FAM227B: variants seen among roughly 807,000 people sequenced by gnomAD.
FAM227B encodes the protein family with sequence similarity 227 member B, also known as protein FAM227B.
A neutral mutation model predicts 73.8 loss-of-function variants in FAM227B; 88 were observed. The observed-to-expected ratio is 1.19, with a 90% CI of 1.00 to 1.42. The LOEUF is 1.42. Among genes scored for constraint, FAM227B ranks in the 40% most tolerant of loss-of-function variants. FAM227B has a pLI of 0.00. For missense variants in FAM227B, 632 were observed against 590.9 expected (o/e 1.07, Z -0.72); for synonymous variants, 210 against 190.5 (o/e 1.10, Z -0.84).
chr15:49,494,555 T>A (rs942180983), intron 11 of FAM227B, among the ~76,000 whole-genome samples: 5 of 152,126 alleles, frequency 3.3e-5, no homozygotes, highest in African/African-American at 1.2e-4. Flanking sequence ...GGATACTGCT[T>A]CCCCTGCAAT....
At chr15:49,524,083 T>C (rs1401836887) in intron 10 of FAM227B, among the ~76,000 whole-genome samples, 1 of 152,138 alleles carries the variant, frequency 6.6e-6, no homozygotes, top group East Asian at 1.9e-4. Context: ...TGAGGAGAAA[T>C]TCAAGGCAGC....
chr15:49,510,401 T>A (rs901357164), intron 10 of FAM227B, among the ~76,000 whole-genome samples: 7 of 152,088 alleles, frequency 4.6e-5, no homozygotes, highest in African/African-American at 1.7e-4. Flanking sequence ...TTATCTGAAG[T>A]TAATAATTGT....
At chr15:49,428,565 C>T (rs2050321616) in intron 11 of FAM227B, among the ~76,000 whole-genome samples, 1 of 151,978 alleles carries the variant, frequency 6.6e-6, no homozygotes, top group African/African-American at 2.4e-5. Flanking sequence ...AGAAATAACA[C>T]TGCTCTTTAA....
At chr15:49,370,064 C>G (rs983519612) in intron 12 of FAM227B, among the ~76,000 whole-genome samples, 1 of 152,156 alleles carries the variant, frequency 6.6e-6, no homozygotes, top group Non-Finnish European at 1.5e-5. Flanking sequence ...AGGAAGAGAG[C>G]CTTCACCAGA....
chr15:49,368,952 GTTTT>G (rs995504385), intron 12 of FAM227B, among the ~76,000 whole-genome samples: 2 of 152,090 alleles, frequency 1.3e-5, no homozygotes, highest in African/African-American at 4.8e-5. Flanking sequence ...TGTTGTTTTT[GTTTT>G]GTTTTTGTTT....
chr15:49,512,012 G>A (rs1301319238), intron 10 of FAM227B, among the ~76,000 whole-genome samples: 1 of 151,968 alleles, frequency 6.6e-6, no homozygotes, highest in Admixed American at 6.6e-5. Context: ...ACTGGGTGGG[G>A]GCTCAGATAG....
At chr15:49,343,452 A>T (rs1295354346) in intron 13 of FAM227B, among the ~76,000 whole-genome samples, 2 of 152,128 alleles carry the variant, frequency 1.3e-5, no homozygotes, top group Admixed American at 6.6e-5. Flanking sequence ...TTGACTTTCA[A>T]CACACTCTAG....
chr15:49,482,676 G>C (rs894281369), intron 11 of FAM227B, among the ~76,000 whole-genome samples: 2 of 152,030 alleles, frequency 1.3e-5, no homozygotes, highest in Non-Finnish European at 2.9e-5. Flanking sequence ...TCAGGTATAA[G>C]AATTTGGGCA....
chr15:49,384,883 A>G (rs1260794453), intron 11 of FAM227B, among the ~76,000 whole-genome samples: 1 of 151,978 alleles, frequency 6.6e-6, no homozygotes, highest in Admixed American at 6.6e-5. Context: ...TGGGACATTT[A>G]TTGGAACAAT....
At chr15:49,409,446 G>A (rs749415854) in intron 11 of FAM227B, among the ~76,000 whole-genome samples, 1 of 151,352 alleles carries the variant, frequency 6.6e-6, no homozygotes, top group Non-Finnish European at 1.5e-5. Context: ...TCTTCATCTG[G>A]AAAATGAGGA....
intron 10 of FAM227B, among the ~76,000 whole-genome samples, chr15:49,512,707 C>T (rs1235506399): frequency 6.6e-6 from 1 of 152,004 alleles, no homozygotes; most frequent in Non-Finnish European, 1.5e-5. Flanking sequence ...TTAAGCCCTG[C>T]ATGCATTAGC....
intron 3 of FAM227B, among the ~76,000 whole-genome samples, chr15:49,607,843 C>A (rs66535408): frequency 0.052 from 7,967 of 152,190 alleles, 361 homozygotes; most frequent in East Asian, 0.23. Flanking sequence ...TGGAGTAGAT[C>A]ATATCTTGTA....
chr15:49,537,318 T>C (rs534464734), intron 10 of FAM227B, among the ~76,000 whole-genome samples: 1 of 152,022 alleles, frequency 6.6e-6, no homozygotes, highest in Non-Finnish European at 1.5e-5. Context: ...CAGAAGTATA[T>C]GAAAAGGTGC....
At chr15:49,618,959 G>A (rs1056914792) in intron 1 of FAM227B, among the ~76,000 whole-genome samples, 1 of 152,080 alleles carries the variant, frequency 6.6e-6, no homozygotes, top group Non-Finnish European at 1.5e-5. Context: ...AGTTAAAGTG[G>A]GGGCCTTGGG....
At chr15:49,392,655 A>G (rs894489634) in intron 11 of FAM227B, among the ~76,000 whole-genome samples, 2 of 152,194 alleles carry the variant, frequency 1.3e-5, no homozygotes, top group Non-Finnish European at 2.9e-5. Context: ...AGCTTTTAAA[A>G]ATGCATCTGT....
intron 10 of FAM227B, among the ~76,000 whole-genome samples, chr15:49,526,269 C>T (rs1384020809): frequency 6.6e-6 from 1 of 151,980 alleles, no homozygotes; most frequent in Admixed American, 6.6e-5. Flanking sequence ...TACACAAGTA[C>T]AGGGAAACGA....
At chr15:49,416,794 C>A (rs1025565936) in intron 11 of FAM227B, among the ~76,000 whole-genome samples, 24 of 151,420 alleles carry the variant, frequency 1.6e-4, no homozygotes, top group African/African-American at 5.8e-4. Context: ...CACACACACA[C>A]ACACAAACAC....
intron 9 of FAM227B, among the ~76,000 whole-genome samples, chr15:49,550,099 C>A (rs547391904): frequency 1.5e-5 from 2 of 133,222 alleles, no homozygotes; most frequent in African/African-American, 5.8e-5. Context: ...GGCGGCTGGC[C>A]GGGCAGGGGG....
intron 15 of FAM227B, chr15:49,331,482 T>TA (rs771717990): frequency 5.5e-4 from 165 of 302,190 alleles, no homozygotes; most frequent in Non-Finnish European, 8.3e-4. Flanking sequence ...ATGAAAAACT[T>TA]ACAATTTTAA....
Sources: allele counts gnomAD v4.1 joint callset (sites outside exome capture counted in the v4.1 genomes callset), GRCh38; gene constraint gnomAD v4.1.1; transcripts MANE v1.5; gene names NCBI Gene and HGNC (gene_info 2026-07-23, HGNC 2026-07-21).